Variants in OLFM3 observed in about 807,000 individuals in gnomAD.
OLFM3 encodes the protein noelin-3.
OLFM3 carries 20 observed loss-of-function variants against 48.6 expected under a neutral mutation model. The observed-to-expected ratio is 0.41, with a 90% CI of 0.29 to 0.60. The LOEUF (loss-of-function observed/expected upper bound fraction) is 0.60. Among genes scored for constraint, OLFM3 ranks in the 20% least tolerant of loss-of-function variants. The probability of loss-of-function intolerance (pLI) is 0.28; values close to 1 mark genes in which losing one functional copy is unlikely to be tolerated. For synonymous variants in OLFM3, 222 were observed against 198.1 expected, an observed-to-expected ratio of 1.12 and a Z score of -1.01; for missense variants, 437 against 544.3, an observed-to-expected ratio of 0.80 and a Z score of 1.96.
intron 1 of OLFM3, among the ~76,000 whole-genome samples, chr1:101,923,978 G>A (rs1217041997): frequency 1.3e-5 from 2 of 152,080 alleles, no homozygotes; most frequent in Non-Finnish European, 2.9e-5. Context: ...TAAAATTTCT[G>A]ATCCACATTT....
rs1491336478 is a variant in OLFM3 at position 101,818,659 on chromosome 1, A to AG, written c.592+6366_592+6367insC. Among the ~76,000 whole-genome samples, 8 of 152,274 alleles carry AG rather than the reference A, an allele frequency of 5.3e-5. No homozygotes were observed. In the East Asian group the frequency reaches 1.3e-3, roughly 26 times the overall value. On this transcript the variant is annotated intron_variant, in intron 4 of 5. Transcript: ENST00000370103. The stretch of plus-strand genomic sequence containing the variant: ...GTCTCTTGCTTTAAGTGCTAATAAA[A>AG]CAAAGTATCAGATGTTTTGGAATGA...
chr1:101,919,025 G>A (rs1157651782), intron 1 of OLFM3, among the ~76,000 whole-genome samples: 2 of 152,050 alleles, frequency 1.3e-5, no homozygotes, highest in African/African-American at 4.8e-5. Flanking sequence ...ATTTACATTT[G>A]TATTTTTAGT....
chr1:101,977,846 C>A (rs901509699), intron 1 of OLFM3, among the ~76,000 whole-genome samples: 4 of 151,850 alleles, frequency 2.6e-5, no homozygotes, highest in Non-Finnish European at 4.4e-5. Flanking sequence ...CATAAATTAA[C>A]CTGAAAACAT....
At chr1:101,855,117 G>T (rs2100953985) in intron 1 of OLFM3, among the ~76,000 whole-genome samples, 1 of 151,986 alleles carries the variant, frequency 6.6e-6, no homozygotes, top group South Asian at 2.1e-4. Context: ...TTCTAATATG[G>T]TTTGTTCATA....
intron 1 of OLFM3, among the ~76,000 whole-genome samples, chr1:101,906,831 T>C (rs1002787438): frequency 2.0e-5 from 3 of 152,170 alleles, no homozygotes; most frequent in African/African-American, 4.8e-5. Context: ...GTATGAATCA[T>C]TCACATACAA....
chr1:101,941,424 G>C (rs1659792333), intron 1 of OLFM3, among the ~76,000 whole-genome samples: 1 of 152,112 alleles, frequency 6.6e-6, no homozygotes, highest in Non-Finnish European at 1.5e-5. Flanking sequence ...TGCCAGCAGA[G>C]AGGTCATTTT....
rs1028418466 is a variant in OLFM3, at chr1:101,832,063, T to G, written c.217-1236A>C. On this transcript the variant is annotated intron_variant, in intron 2 of 5. Coordinates refer to ENST00000370103, the MANE Select transcript of OLFM3 (RefSeq NM_058170.4). ...GATTACAGGTGCACGCCACTACGCC[T>G]GGCTAATTTTCGTATTTTTATTAGA... Among the ~76,000 whole-genome samples, 5 of 152,128 alleles carry G rather than the reference T, an allele frequency of 3.3e-5. 1 individual carries two copies. The South Asian group carries it at 8.3e-4, about 25-fold the overall frequency.
intron 1 of OLFM3, among the ~76,000 whole-genome samples, chr1:101,950,700 T>A (rs772635960): frequency 1.3e-5 from 2 of 152,136 alleles, no homozygotes; most frequent in Non-Finnish European, 2.9e-5. Flanking sequence ...CGCCTCGGCC[T>A]CCCAAAGTGC....
intron 1 of OLFM3, among the ~76,000 whole-genome samples, chr1:101,957,355 A>G (rs1298398605): frequency 6.6e-6 from 1 of 152,044 alleles, no homozygotes; most frequent in African/African-American, 2.4e-5. Context: ...TATTTTACTT[A>G]CTTTTTAATT....
chr1:101,912,536 T>A (rs989125003), intron 1 of OLFM3, among the ~76,000 whole-genome samples: 47 of 152,334 alleles, frequency 3.1e-4, no homozygotes, highest in Admixed American at 2.9e-3. Flanking sequence ...CGCAATTTTT[T>A]AATGAAGAAC....
At chr1:101,921,607 T>A (rs1426403712) in intron 1 of OLFM3, among the ~76,000 whole-genome samples, 2 of 152,190 alleles carry the variant, frequency 1.3e-5, no homozygotes, top group East Asian at 3.8e-4. Context: ...TAGAGTTCTA[T>A]CCTCAACTAC....
chr1:101,899,521 C>T (rs1658321094), intron 1 of OLFM3, among the ~76,000 whole-genome samples: 1 of 152,094 alleles, frequency 6.6e-6, no homozygotes, highest in Non-Finnish European at 1.5e-5. Flanking sequence ...GGTAGGATTC[C>T]ACAAGGACAT....
intron 1 of OLFM3, among the ~76,000 whole-genome samples, chr1:101,866,197 T>C (rs1656849012): frequency 6.6e-6 from 1 of 152,190 alleles, no homozygotes; most frequent in Non-Finnish European, 1.5e-5. Flanking sequence ...TATAAATAAA[T>C]ATAATTATTT....
intron 1 of OLFM3, chr1:101,859,973 T>C (rs1237223603): frequency 2.0e-5 from 3 of 152,102 alleles, no homozygotes; most frequent in African/African-American, 4.8e-5. Context: ...TCCCAGAAGA[T>C]GCAGAAGGAG....
chr1:101,813,815 T>C (rs970460903), intron 4 of OLFM3, among the ~76,000 whole-genome samples: 4 of 152,184 alleles, frequency 2.6e-5, no homozygotes, highest in Non-Finnish European at 2.9e-5. Flanking sequence ...TGGAGTCAAA[T>C]CCTTTGGGTA....
At chr1:101,814,157 A>T (rs1342091629) in intron 4 of OLFM3, among the ~76,000 whole-genome samples, 2 of 151,664 alleles carry the variant, frequency 1.3e-5, no homozygotes, top group Non-Finnish European at 2.9e-5. Flanking sequence ...ATAGATTCTT[A>T]CTCCAGTCAG....
intron 1 of OLFM3, among the ~76,000 whole-genome samples, chr1:101,913,200 T>A (rs1180694489): frequency 6.6e-6 from 1 of 152,174 alleles, no homozygotes; most frequent in African/African-American, 2.4e-5. Context: ...TTCCCTCTCA[T>A]GAAAGGCTAC....
intron 1 of OLFM3, among the ~76,000 whole-genome samples, chr1:101,912,673 A>T (rs7521485): frequency 0.011 from 1,704 of 152,300 alleles, 39 homozygotes; most frequent in African/African-American, 0.039. Context: ...TTCAAATACG[A>T]CGTCTTCCAA....
intron 1 of OLFM3, among the ~76,000 whole-genome samples, chr1:101,975,829 A>G (rs1557753922): frequency 6.6e-6 from 1 of 152,146 alleles, no homozygotes; most frequent in Non-Finnish European, 1.5e-5. Flanking sequence ...CACAGGGAGC[A>G]ACGCAGCGTA....
Sources: gnomAD v4.1 joint callset for allele counts (sites outside exome capture counted in the v4.1 genomes callset) on GRCh38, gnomAD v4.1.1 for gene constraint, MANE v1.5 for transcripts, NCBI Gene and HGNC (gene_info 2026-07-23, HGNC 2026-07-21) for gene names.